The following INVS variants were observed in gnomAD, a reference collection of about 807,000 sequenced individuals.
INVS encodes the protein inversion of embryo turning homolog.
In INVS, 86 loss-of-function variants were observed where a neutral mutation model predicts 108.8. That is an observed-to-expected ratio of 0.79 (90% CI 0.66 to 0.95). The LOEUF (loss-of-function observed/expected upper bound fraction) is 0.95. Ranked by LOEUF, INVS falls within the 40% of genes least tolerant of loss-of-function variation. The pLI is 0.00. For synonymous variants in INVS, 455 were observed against 473.5 expected, an observed-to-expected ratio of 0.96 and a Z score of 0.51; for missense variants, 1,169 against 1,297.4, an observed-to-expected ratio of 0.90 and a Z score of 1.52.
chr9:100,104,357 AC>A, intron 1 of INVS, 140 bp from the exon 2 acceptor site: 1 of 672,024 alleles, frequency 1.5e-6, no homozygotes, highest in Non-Finnish European at 2.7e-6. Context: ...GTACCACTGC[AC>A]CCAGCCAGGA....
intron 11 of INVS, 56 bp from the exon 12 acceptor site, chr9:100,272,808 G>T (rs566870150): frequency 6.9e-7 from 1 of 1,446,880 alleles, no homozygotes; most frequent in East Asian, 2.3e-5. Context: ...CAGTTTAACT[G>T]TGCCTTAAAT....
intron 2 of INVS, among the ~76,000 whole-genome samples, chr9:100,114,741 G>A (rs1314779228): frequency 6.6e-6 from 1 of 152,176 alleles, no homozygotes; most frequent in East Asian, 1.9e-4. Flanking sequence ...AGGCATTTGA[G>A]AATTTTCCAT....
intron 13 of INVS, 41 bp downstream of exon 13, chr9:100,284,644 C>T: frequency 6.3e-7 from 1 of 1,599,278 alleles, no homozygotes; most frequent in Non-Finnish European, 8.5e-7. Context: ...GGCCCATGGA[C>T]TGTGGGCTTT....
At chr9:100,224,063 G>T (rs561427174) in intron 3 of INVS, among the ~76,000 whole-genome samples, 1 of 152,018 alleles carries the variant, frequency 6.6e-6, no homozygotes, top group African/African-American at 2.4e-5. Context: ...AAAAAAACAC[G>T]CAAAAAAATC....
intron 3 of INVS, chr9:100,129,830 C>T (rs1197219330): frequency 4.3e-6 from 2 of 466,138 alleles, no homozygotes; most frequent in South Asian, 5.4e-5. Flanking sequence ...CAGGAAGCAG[C>T]AGCCTTACCA....
intron 5 of INVS, among the ~76,000 whole-genome samples, chr9:100,232,837 GCT>G (rs1831555856): frequency 6.6e-6 from 1 of 152,038 alleles, no homozygotes. Context: ...GGCTATACAG[GCT>G]CTTTTTTTGT....
chr9:100,222,357 G>A (rs896578354), intron 3 of INVS, among the ~76,000 whole-genome samples: 4 of 152,172 alleles, frequency 2.6e-5, no homozygotes, highest in Admixed American at 6.5e-5. Flanking sequence ...TAGAGGCACA[G>A]GAGGATAATT....
intron 8 of INVS, among the ~76,000 whole-genome samples, chr9:100,249,455 T>C (rs930200337): frequency 2.6e-5 from 4 of 152,186 alleles, no homozygotes; most frequent in Non-Finnish European, 5.9e-5. Flanking sequence ...AATGATCATA[T>C]TAAAGGAAAT....
chr9:100,108,049 T>C (rs894078960), intron 2 of INVS, among the ~76,000 whole-genome samples: 1 of 152,180 alleles, frequency 6.6e-6, no homozygotes, highest in Non-Finnish European at 1.5e-5. Context: ...AAAAAAATTT[T>C]AAGTCAGGAC....
At chr9:100,203,328 A>G (rs576047073) in intron 3 of INVS, among the ~76,000 whole-genome samples, 1 of 152,220 alleles carries the variant, frequency 6.6e-6, no homozygotes, top group East Asian at 1.9e-4. Flanking sequence ...CTTGTTGTTA[A>G]TAACTGTAGT....
chr9:100,238,655 G>A (rs1009031766), intron 5 of INVS, among the ~76,000 whole-genome samples: 11 of 151,494 alleles, frequency 7.3e-5, no homozygotes, highest in South Asian at 2.1e-4. Context: ...TTTCTGTTGC[G>A]TCCTAGGTAA....
chr9:100,148,735 T>C (rs191387407), intron 3 of INVS, among the ~76,000 whole-genome samples: 2 of 152,348 alleles, frequency 1.3e-5, no homozygotes, highest in East Asian at 1.9e-4. Flanking sequence ...ATGAAGAATA[T>C]ATATTGTAAA....
intron 13 of INVS, among the ~76,000 whole-genome samples, chr9:100,288,677 G>A (rs914781983): frequency 6.6e-6 from 1 of 151,664 alleles, no homozygotes; most frequent in Admixed American, 6.6e-5. Context: ...CTGGAGTGCA[G>A]TGGTTCAAGC....
Position 100,292,945 on chromosome 9 carries a change from A to G in INVS, c.2688A>G (p.Val896=). The G allele has an allele frequency of 6.2e-7, 1 of 1,613,226 alleles. No homozygotes were observed. Among genetic ancestry groups the G allele is most frequent in the Non-Finnish European group, 8.5e-7 (1 of 1,179,196 alleles). ...GQSVNIDLLP[V]ELRLQIIQRE... is the part of the protein sequence containing the mutation. The stretch of plus-strand genomic sequence containing the variant: ...GTGTGAATATTGACCTTCTCCCCGT[A>G]GAGCTCCGACTGCAGATAATTCAGA... Residue 896 remains valine, a synonymous_variant, in exon 14 of 17, where the codon GTA becomes GTG. Coordinates refer to ENST00000262457, the MANE Select transcript of INVS (RefSeq NM_014425.5).
chr9:100,210,865 C>T (rs1053813563), intron 3 of INVS, among the ~76,000 whole-genome samples: 1 of 151,396 alleles, frequency 6.6e-6, no homozygotes, highest in Non-Finnish European at 1.5e-5. Flanking sequence ...TTCCAAAGTC[C>T]CAGAAATTCT....
At chr9:100,291,314 C>T (rs894335099) in intron 13 of INVS, among the ~76,000 whole-genome samples, 7 of 152,162 alleles carry the variant, frequency 4.6e-5, no homozygotes, top group African/African-American at 1.7e-4. Context: ...CCTGCCTCGG[C>T]CTCCCAAAGT....
chr9:100,149,688 T>C (rs764889758), intron 3 of INVS, among the ~76,000 whole-genome samples: 1 of 152,206 alleles, frequency 6.6e-6, no homozygotes, highest in Non-Finnish European at 1.5e-5. Context: ...TTATAGTTTA[T>C]GTACTTCTAT....
intron 3 of INVS, among the ~76,000 whole-genome samples, chr9:100,167,255 G>T (rs1322516641): frequency 6.6e-6 from 1 of 151,960 alleles, no homozygotes; most frequent in Admixed American, 6.6e-5. Flanking sequence ...CCATCTCAGA[G>T]TAAAAGACTA....
chr9:100,114,770 A>G (rs1827456099), intron 2 of INVS, among the ~76,000 whole-genome samples: 1 of 152,212 alleles, frequency 6.6e-6, no homozygotes, highest in South Asian at 2.1e-4. Context: ...GTGGATCAGT[A>G]GTTCATTCCT....
Sources: allele counts gnomAD v4.1 joint callset (sites outside exome capture counted in the v4.1 genomes callset), GRCh38; gene constraint gnomAD v4.1.1; transcripts MANE v1.5; gene names NCBI Gene and HGNC (gene_info 2026-07-23, HGNC 2026-07-21).